The following HYDIN variants were observed in gnomAD, a reference collection of about 807,000 sequenced individuals.
The protein encoded by HYDIN is HYDIN axonemal central pair apparatus protein, also known as axonemal central pair apparatus protein HYDIN.
HYDIN carries 132 observed loss-of-function variants against 403.9 expected under a neutral mutation model. The observed-to-expected ratio is 0.33, with a 90% confidence interval of 0.28 to 0.38. The LOEUF is 0.38. Ranked by LOEUF, HYDIN falls within the 10% of genes least tolerant of loss-of-function variation. The probability of loss-of-function intolerance (pLI) is 1.00; values close to 1 mark genes in which losing one functional copy is unlikely to be tolerated. For missense variants in HYDIN, 2,827 were observed against 5,009.5 expected, an observed-to-expected ratio of 0.56 and a Z score of 13.15; for synonymous variants, 1,202 against 1,891.7, an observed-to-expected ratio of 0.64 and a Z score of 9.46.
chr16:70,807,943 G>A lies in HYDIN; in HGVS notation c.15003C>T (p.Gly5001=), dbSNP rs2035201739. The A allele has an allele frequency of 1.2e-6, 2 of 1,614,054 alleles. No homozygotes were observed. Among genetic ancestry groups the A allele is most frequent in the African/African-American group, 1.3e-5 (1 of 74,910 alleles). Residue 5001 remains glycine, a synonymous_variant, in exon 86 of 86, where the codon GGC becomes GGT. Coordinates refer to ENST00000393567, the MANE Select transcript of HYDIN (RefSeq NM_001270974.2). ...FEPSHLGETK[G]ILILSSLAGG... ...CTGCGAGCGATGATAGGATCAGGAT[G>A]CCCTTGGTCTCACCCAGGTGGCTGG...
At chr16:70,978,154 C>T (rs1298653820) in intron 30 of HYDIN, among the ~76,000 whole-genome samples, 2 of 152,154 alleles carry the variant, frequency 1.3e-5, no homozygotes, top group African/African-American at 4.8e-5. Flanking sequence ...GACCTCGCTT[C>T]TCCTCCTGAG....
chr16:70,835,320 T>C (rs2037350041), intron 78 of HYDIN, among the ~76,000 whole-genome samples: 1 of 151,584 alleles, frequency 6.6e-6, no homozygotes, highest in Admixed American at 6.6e-5. Flanking sequence ...AAGCACAGAG[T>C]CATGCATGCA....
In HYDIN at chr16:71,026,385, T is replaced by C. The variant is rs184425629; in HGVS notation, c.3043-859A>G. Reference sequence around the variant, plus strand: ...ATGCATTCCAGTCTCTTCTCAATTATGTAGCATGATTTAGAAGAACATTCG... The same window carrying C: ...ATGCATTCCAGTCTCTTCTCAATTACGTAGCATGATTTAGAAGAACATTCG... On this transcript the variant is annotated intron_variant, in intron 20 of 85. Coordinates refer to ENST00000393567, the MANE Select transcript of HYDIN (RefSeq NM_001270974.2). Among the ~76,000 whole-genome samples the C allele has an allele frequency of 1.2e-4, 19 of 152,340 alleles. No individual in the cohort carries two copies. The East Asian group carries it at 3.3e-3, about 26-fold the overall frequency.
intron 18 of HYDIN, among the ~76,000 whole-genome samples, chr16:71,047,163 G>A (rs1338444840): frequency 1.3e-5 from 2 of 151,928 alleles, no homozygotes; most frequent in Admixed American, 1.3e-4. Flanking sequence ...AGGAGACCAA[G>A]GTATTTTCCT....
intron 23 of HYDIN, among the ~76,000 whole-genome samples, chr16:70,996,863 T>C (rs541543911): frequency 1.3e-5 from 2 of 150,360 alleles, no homozygotes; most frequent in South Asian, 4.3e-4. Flanking sequence ...GGTGGGGTGG[T>C]GGGGGGGATG....
At chr16:71,163,426 GT>G (rs1222058378) in intron 5 of HYDIN, among the ~76,000 whole-genome samples, 12 of 152,258 alleles carry the variant, frequency 7.9e-5, no homozygotes, top group African/African-American at 2.9e-4. Flanking sequence ...CCCGGCCGAT[GT>G]TTCTAACTAA....
intron 8 of HYDIN, among the ~76,000 whole-genome samples, chr16:71,130,252 T>C (rs919932647): frequency 6.6e-5 from 10 of 152,136 alleles, no homozygotes; most frequent in African/African-American, 9.7e-5. Flanking sequence ...ACCTGGAGCA[T>C]AGAACCTGGG....
intron 72 of HYDIN, among the ~76,000 whole-genome samples, chr16:70,855,769 T>C (rs1241908358): frequency 2.6e-5 from 4 of 152,304 alleles, no homozygotes; most frequent in African/African-American, 9.6e-5. Context: ...TATTAGACCA[T>C]TCATTTTCCC....
intron 7 of HYDIN, among the ~76,000 whole-genome samples, chr16:71,146,096 A>AC (rs11386278): frequency 2.3e-3 from 334 of 143,564 alleles, no homozygotes; most frequent in Middle Eastern, 7.4e-3. Flanking sequence ...TATTAAAAAT[A>AC]CCCCCAAATG....
At chr16:70,905,984 G>A (rs899942108) in intron 50 of HYDIN, among the ~76,000 whole-genome samples, 2 of 151,968 alleles carry the variant, frequency 1.3e-5, no homozygotes, top group Non-Finnish European at 2.9e-5. Context: ...GAGGTAATAA[G>A]GGAATGGAGG....
At chr16:70,868,935 T>C in intron 65 of HYDIN, 147 bp from the exon 66 acceptor site, 1 of 637,930 alleles carries the variant, frequency 1.6e-6, no homozygotes, top group Admixed American at 3.2e-5. Flanking sequence ...GAATTAAATA[T>C]GTACATGAGG....
chr16:71,152,429 T>C (rs1442839755), intron 7 of HYDIN, among the ~76,000 whole-genome samples: 2 of 150,592 alleles, frequency 1.3e-5, no homozygotes, highest in Admixed American at 6.6e-5. Context: ...AGTTCTTTCG[T>C]AGTGATTTCT....
At chr16:71,200,024 G>A (rs185533059) in intron 1 of HYDIN, among the ~76,000 whole-genome samples, 64 of 152,188 alleles carry the variant, frequency 4.2e-4, no homozygotes, top group South Asian at 3.3e-3. Flanking sequence ...TAAAGAAGCC[G>A]GCTAAAGCCC....
chr16:71,052,343 T>C (rs1272133957), intron 18 of HYDIN, among the ~76,000 whole-genome samples: 1 of 151,712 alleles, frequency 6.6e-6, no homozygotes, highest in Non-Finnish European at 1.5e-5. Flanking sequence ...CCTAGGCACA[T>C]ATTAAGTCTG....
rs375480074 is a variant in HYDIN, at chr16:70,818,386, C to T, written c.14614G>A (p.Asp4872Asn). The change falls in exon 84 of 86, where the codon GAC (aspartate) becomes AAC (asparagine). Residue 4872 changes from aspartate (D) to asparagine (N), a missense_variant. Physicochemically the swap from Asp to Asn is conservative, Grantham distance 23. Coordinates refer to ENST00000393567, the MANE Select transcript of HYDIN (RefSeq NM_001270974.2). ...ACAAACTGGGAGGGCAGGGCGATGT[C>T]GGGCATCCGGCATTCCGTGGAGAAG... ...VTFSTECRMP[D>N]IALPSQFVVP... The T allele has an allele frequency of 2.5e-6, 4 of 1,613,614 alleles. No individual in the cohort carries two copies. The highest frequency in any genetic ancestry group is 1.7e-5 in the Admixed American group (1 of 59,972).
intron 1 of HYDIN, among the ~76,000 whole-genome samples, chr16:71,222,451 CT>C (rs1225993548): frequency 2.0e-5 from 3 of 152,092 alleles, no homozygotes; most frequent in Non-Finnish European, 2.9e-5. Context: ...ACTTTCACCA[CT>C]TTTATTTGAC....
intron 1 of HYDIN, among the ~76,000 whole-genome samples, chr16:71,224,772 G>A (rs530068578): frequency 5.3e-5 from 8 of 151,434 alleles, no homozygotes; most frequent in East Asian, 3.9e-4. Context: ...CGTTTTAGCC[G>A]GGATGGTCTC....
At chr16:70,945,004 C>T (rs1405945746) in intron 41 of HYDIN, among the ~76,000 whole-genome samples, 2 of 152,238 alleles carry the variant, frequency 1.3e-5, no homozygotes, top group East Asian at 1.9e-4. Flanking sequence ...CTGCCTGCCT[C>T]GGCCTCCCAA....
chr16:71,069,380 C>T lies in HYDIN; in HGVS notation c.1861G>A (p.Asp621Asn), dbSNP rs376396686. 3.2e-5 allele frequency: 51 copies of T among 1,614,048 alleles called. No homozygotes were observed. In the African/African-American group the frequency reaches 5.5e-4, roughly 17 times the overall value. ...TTGGTCCAAGATGGTCTTTTGTAGTCCACATGCTGCTCACAATATGAAATG... is the reference window on the plus strand; with the variant it reads ...TTGGTCCAAGATGGTCTTTTGTAGTTCACATGCTGCTCACAATATGAAATG... Reference protein sequence around the residue: ...KSISYCEQHVDYKRPSWTKEE... With the variant: ...KSISYCEQHVNYKRPSWTKEE... Residue 621 changes from aspartate to asparagine, a missense_variant, in exon 14 of 86, where the codon GAC (aspartate) becomes AAC (asparagine). Asp to Asn is a conservative substitution (Grantham distance 23). Coordinates refer to ENST00000393567, the MANE Select transcript of HYDIN (RefSeq NM_001270974.2).
Sources: allele counts gnomAD v4.1 joint callset (sites outside exome capture counted in the v4.1 genomes callset), GRCh38; gene constraint gnomAD v4.1.1; transcripts MANE v1.5; gene names NCBI Gene and HGNC (gene_info 2026-07-23, HGNC 2026-07-21).